The following SHROOM2 variants were observed in gnomAD, a reference collection of about 807,000 sequenced individuals.
SHROOM2 encodes protein Shroom2.
A neutral mutation model predicts 75.9 loss-of-function variants in SHROOM2; 33 were observed. The ratio of observed to expected loss-of-function variants is 0.43; its 90% CI spans 0.33 to 0.58. SHROOM2 has a LOEUF of 0.58. Ranked by LOEUF, SHROOM2 falls within the 20% of genes least tolerant of loss-of-function variation. The pLI is 0.04. For synonymous variants in SHROOM2, 655 were observed against 663.6 expected (o/e 0.99, Z 0.20); for missense variants, 1,434 against 1,461.2 (o/e 0.98, Z 0.30).
chrX:9,793,130 G>GGTCAT (rs1285935307), intron 1 of SHROOM2, among the ~76,000 whole-genome samples: 3 of 111,762 alleles, frequency 2.7e-5, no homozygotes, highest in African/African-American at 9.8e-5. Flanking sequence ...CCTGACTACT[G>GGTCAT]ATCACTTCCC....
At chrX:9,804,902 G>A (rs1014991552) in intron 1 of SHROOM2, among the ~76,000 whole-genome samples, 1 of 110,847 alleles carries the variant, frequency 9.0e-6, no homozygotes, top group Non-Finnish European at 1.9e-5. Context: ...CTGTTGTCCC[G>A]TGTCACCAAG....
At chrX:9,922,569 C>G (rs956523788) in intron 5 of SHROOM2, among the ~76,000 whole-genome samples, 47 of 110,046 alleles carry the variant, frequency 4.3e-4, no homozygotes, top group Middle Eastern at 4.6e-3. Flanking sequence ...CCCCTGGGAC[C>G]CATTCTCACT....
intron 5 of SHROOM2, among the ~76,000 whole-genome samples, chrX:9,925,650 C>T (rs2084587357): frequency 8.9e-6 from 1 of 112,603 alleles, no homozygotes; most frequent in East Asian, 2.8e-4. Context: ...GTCCCAGACC[C>T]TGGCTTTGTA....
Position 9,946,733 on chromosome X carries a change from G to A in SHROOM2, c.4647G>A (p.Lys1549=). The A allele has an allele frequency of 5.0e-6, 6 of 1,206,112 alleles. No individual in the cohort carries two copies. The highest frequency in any genetic ancestry group is 6.7e-6 in the Non-Finnish European group (6 of 892,337). The change falls in exon 10 of 10, where the codon AAG becomes AAA. Residue 1549 remains lysine, a synonymous_variant. Coordinates refer to ENST00000380913, the MANE Select transcript of SHROOM2 (RefSeq NM_001649.4). ...AGCACGAGGACGCCAAGGAGCTCAA[G>A]GAGAACCTGGACCGCCGCGAGCGCA... is the stretch of plus-strand genomic sequence containing the variant. ...IQQHEDAKEL[K]ENLDRRERIV...
intron 1 of SHROOM2, among the ~76,000 whole-genome samples, chrX:9,789,508 A>C (rs1253718231): frequency 9.0e-6 from 1 of 111,492 alleles, no homozygotes; most frequent in Admixed American, 9.6e-5. Flanking sequence ...GAATCTATGT[A>C]ACGGAAGTAG....
intron 1 of SHROOM2, among the ~76,000 whole-genome samples, chrX:9,803,323 A>C (rs1386055964): frequency 9.0e-6 from 1 of 111,648 alleles, no homozygotes; most frequent in Non-Finnish European, 1.9e-5. Flanking sequence ...CATGAGCCAT[A>C]CAAAGACTTC....
chrX:9,808,061 C>T (rs181050690), intron 1 of SHROOM2, among the ~76,000 whole-genome samples: 7 of 111,496 alleles, frequency 6.3e-5, no homozygotes, highest in African/African-American at 2.3e-4. Context: ...ATTGTCTCCA[C>T]AGCCTGATTT....
intron 5 of SHROOM2, among the ~76,000 whole-genome samples, chrX:9,909,427 C>T (rs183287262): frequency 1.8e-5 from 2 of 112,578 alleles, no homozygotes; most frequent in African/African-American, 6.5e-5. Flanking sequence ...ATAGCTCCCC[C>T]GCTCCCCGCT....
intron 1 of SHROOM2, among the ~76,000 whole-genome samples, chrX:9,856,402 A>G (rs2084070506): frequency 8.9e-6 from 1 of 111,862 alleles, no homozygotes; most frequent in Admixed American, 9.5e-5. Context: ...TGTTCCTCAG[A>G]CGCATTAATA....
At chrX:9,906,031 A>G (rs2084389965) in intron 5 of SHROOM2, among the ~76,000 whole-genome samples, 1 of 112,244 alleles carries the variant, frequency 8.9e-6, no homozygotes, top group Non-Finnish European at 1.9e-5. Flanking sequence ...ATGCTCAGCA[A>G]AGCCACATCA....
chrX:9,927,356 C>CAA (rs56344026), intron 5 of SHROOM2, among the ~76,000 whole-genome samples: 284 of 24,410 alleles, frequency 0.012, 24 homozygotes, highest in South Asian at 0.029. Flanking sequence ...TCTCTGTCTC[C>CAA]AAAAAAAAAA....
intron 1 of SHROOM2, among the ~76,000 whole-genome samples, chrX:9,868,278 C>T (rs941431987): frequency 4.6e-5 from 5 of 109,369 alleles, no homozygotes; most frequent in Admixed American, 2.0e-4. Context: ...TGAAGTCTCA[C>T]GCTGTCGCCC....
intron 5 of SHROOM2, among the ~76,000 whole-genome samples, chrX:9,901,050 A>G (rs931045451): frequency 8.1e-5 from 9 of 111,148 alleles, no homozygotes; most frequent in African/African-American, 2.6e-4. Context: ...CCACAGTCCT[A>G]GAGGCTGGAA....
Position 9,870,981 on chromosome X carries a change from G to A in SHROOM2, c.166-2671G>A, listed in dbSNP as rs148648570. Among the ~76,000 whole-genome samples, 786 of 111,696 alleles carry A rather than the reference G, an allele frequency of 7.0e-3. 7 individuals carry two copies. Among genetic ancestry groups the A allele is most frequent in the Non-Finnish European group, 0.011 (589 of 53,154 alleles). On this transcript the variant is annotated intron_variant, in intron 1 of 9. Transcript: ENST00000380913. ...GTTGGCAGCCATGGATATAACACGTGGATAGAAAAACACTTCTGTGGTCTT... is the reference window on the plus strand; with the variant it reads ...GTTGGCAGCCATGGATATAACACGTAGATAGAAAAACACTTCTGTGGTCTT...
intron 1 of SHROOM2, among the ~76,000 whole-genome samples, chrX:9,806,352 A>C (rs917620640): frequency 4.5e-5 from 5 of 110,250 alleles, no homozygotes; most frequent in Non-Finnish European, 9.4e-5. Flanking sequence ...AAATGTTTCG[A>C]GATAACATTT....
chrX:9,842,195 A>G (rs1310140237), intron 1 of SHROOM2, among the ~76,000 whole-genome samples: 1 of 112,443 alleles, frequency 8.9e-6, no homozygotes, highest in African/African-American at 3.2e-5. Context: ...ATTTCTTTTA[A>G]TACTCGTTAA....
chrX:9,918,169 A>G (rs149593177), intron 5 of SHROOM2, among the ~76,000 whole-genome samples: 1,988 of 112,875 alleles, frequency 0.018, 62 homozygotes, highest in African/African-American at 0.06. Flanking sequence ...CTGGTTAGCA[A>G]TTAGCATTCC....
Position 9,860,012 on chromosome X carries a change from T to C in SHROOM2, c.166-13640T>C, listed in dbSNP as rs192344802. On this transcript the variant is annotated intron_variant, in intron 1 of 9. Coordinates refer to ENST00000380913, the MANE Select transcript of SHROOM2 (RefSeq NM_001649.4). ...GTTCCACATGAGCCATGGGTGACCA[T>C]TTCTAATACGTTATCCTTTCTCTGG... is the stretch of plus-strand genomic sequence containing the variant. Among the ~76,000 whole-genome samples the C allele has an allele frequency of 2.7e-5, 3 of 111,946 alleles. No individual in the cohort carries two copies. In the East Asian group the frequency reaches 8.5e-4, roughly 32 times the overall value.
chrX:9,831,730 G>A (rs1052603497), intron 1 of SHROOM2, among the ~76,000 whole-genome samples: 14 of 111,828 alleles, frequency 1.3e-4, no homozygotes, highest in Admixed American at 5.7e-4. Flanking sequence ...ATCCAAGATC[G>A]AGGCGTGGCA....
Sources: allele counts gnomAD v4.1 joint callset (sites outside exome capture counted in the v4.1 genomes callset), GRCh38; gene constraint gnomAD v4.1.1; transcripts MANE v1.5; gene names NCBI Gene and HGNC (gene_info 2026-07-23, HGNC 2026-07-21).